NF1: variants seen among roughly 807,000 people sequenced by gnomAD.
The protein encoded by NF1 is neurofibromin.
NF1 carries 122 observed loss-of-function variants against 325.7 expected under a neutral mutation model. That is an observed-to-expected ratio of 0.37 (90% CI 0.32 to 0.44). NF1 has a LOEUF of 0.44. Among genes scored for constraint, NF1 ranks in the 20% least tolerant of loss-of-function variants. The probability of loss-of-function intolerance (pLI) is 1.00; values close to 1 mark genes in which losing one functional copy is unlikely to be tolerated. For synonymous variants in NF1, 1,091 were observed against 1,186.0 expected (o/e 0.92, Z 1.65); for missense variants, 2,140 against 3,415.4 (o/e 0.63, Z 9.31).
intron 11 of NF1, among the ~76,000 whole-genome samples, chr17:31,203,457 T>C (rs1459799359): frequency 6.6e-6 from 1 of 152,230 alleles, no homozygotes; most frequent in Admixed American, 6.5e-5. Context: ...TTATAGATAG[T>C]GTGGGAAATT....
intron 50 of NF1, 104 bp downstream of exon 50, chr17:31,350,422 A>C (rs1026946633): frequency 4.0e-5 from 38 of 961,484 alleles, no homozygotes; most frequent in Non-Finnish European, 5.7e-5. Flanking sequence ...ACATGGGAGA[A>C]ATCTAGAGAT....
At chr17:31,305,681 C>G (rs541453289) in intron 36 of NF1, 2 of 1,495,154 alleles carry the variant, frequency 1.3e-6, no homozygotes, top group Admixed American at 2.3e-5. Flanking sequence ...TCATTGGTGT[C>G]TAGTTAAAAA....
chr17:31,312,182 C>T (rs752449193), intron 36 of NF1, among the ~76,000 whole-genome samples: 4 of 151,954 alleles, frequency 2.6e-5, no homozygotes, highest in Non-Finnish European at 5.9e-5. Context: ...ACAGGCACTA[C>T]TAGTAAACTT....
chr17:31,130,984 C>G (rs1915337756), intron 1 of NF1, among the ~76,000 whole-genome samples: 1 of 152,138 alleles, frequency 6.6e-6, no homozygotes, highest in Non-Finnish European at 1.5e-5. Flanking sequence ...GTGGCCCCCC[C>G]CGGCAGTACT....
At chr17:31,294,302 A>G (rs932787672) in intron 36 of NF1, among the ~76,000 whole-genome samples, 4 of 152,150 alleles carry the variant, frequency 2.6e-5, no homozygotes, top group Admixed American at 6.5e-5. Context: ...CTTTTCTTAC[A>G]TGCAAAAAAC....
intron 36 of NF1, chr17:31,319,022 A>G (rs142555266): frequency 1.9e-6 from 3 of 1,584,314 alleles, no homozygotes; most frequent in African/African-American, 1.4e-5. Flanking sequence ...ATGCTTGGCA[A>G]TCTGTTGGGA....
chr17:31,197,145 C>T lies in NF1; in HGVS notation c.889-3277C>T, dbSNP rs148819867. Among the ~76,000 whole-genome samples, 530 of 151,676 alleles carry T rather than the reference C, an allele frequency of 3.5e-3. 4 individuals carry two copies. Among genetic ancestry groups the T allele is most frequent in the African/African-American group, 0.012 (493 of 41,336 alleles). On this transcript the variant is annotated intron_variant, in intron 8 of 57. Coordinates refer to ENST00000358273, the MANE Select transcript of NF1 (RefSeq NM_001042492.3). ...CTACAAGCTCCGCCTCCCAGGGTCA[C>T]GCCATTCTACTGCCTCAGCCTCCCA...
intron 37 of NF1, 102 bp from the exon 38 acceptor site, chr17:31,327,397 G>T: frequency 1.3e-6 from 1 of 788,048 alleles, no homozygotes; most frequent in Non-Finnish European, 2.2e-6. Flanking sequence ...TCCTTAAATG[G>T]CATAGTGTTT....
chr17:31,251,252 C>T, intron 30 of NF1: 1 of 207,178 alleles, frequency 4.8e-6, no homozygotes, highest in South Asian at 1.9e-4. Context: ...CTGTGTTCTG[C>T]CTGGAGGGAT....
chr17:31,195,706 C>CT (rs71142033), intron 8 of NF1, among the ~76,000 whole-genome samples: 1,721 of 150,642 alleles, frequency 0.011, 22 homozygotes, highest in Non-Finnish European at 0.016. Context: ...GGATTTCATT[C>CT]TTTTTTTTTT....
chr17:31,130,000 T>C (rs1171184622), intron 1 of NF1, among the ~76,000 whole-genome samples: 2 of 152,104 alleles, frequency 1.3e-5, no homozygotes, highest in Non-Finnish European at 2.9e-5. Context: ...TCTGGCTTTT[T>C]GAGTCATCAG....
chr17:31,115,695 C>T (rs1471932906), intron 1 of NF1, among the ~76,000 whole-genome samples: 2 of 152,128 alleles, frequency 1.3e-5, no homozygotes, highest in Admixed American at 6.6e-5. Flanking sequence ...CTGCATAACC[C>T]TTTTTCTGTG....
chr17:31,100,608 C>T (rs1032116344), intron 1 of NF1, among the ~76,000 whole-genome samples: 11 of 152,138 alleles, frequency 7.2e-5, no homozygotes, highest in East Asian at 3.9e-4. Flanking sequence ...CTCACTCTGT[C>T]GCCCAGGCTG....
At chr17:31,372,582 C>G (rs917111319) in intron 57 of NF1, among the ~76,000 whole-genome samples, 1 of 152,152 alleles carries the variant, frequency 6.6e-6, no homozygotes, top group African/African-American at 2.4e-5. Flanking sequence ...CATCCTCATG[C>G]CCCCTTAAGT....
intron 29 of NF1, among the ~76,000 whole-genome samples, chr17:31,239,561 A>G (rs1210231205): frequency 6.6e-6 from 1 of 151,824 alleles, no homozygotes; most frequent in African/African-American, 2.4e-5. Flanking sequence ...GGGGGGAGGA[A>G]TCAGAAATCA....
intron 36 of NF1, among the ~76,000 whole-genome samples, chr17:31,280,471 C>T (rs1473261233): frequency 1.4e-5 from 2 of 139,400 alleles, no homozygotes; most frequent in East Asian, 4.2e-4. Flanking sequence ...GAACCGGGAT[C>T]GCGCCACTGC....
intron 11 of NF1, among the ~76,000 whole-genome samples, chr17:31,202,434 G>C (rs998516026): frequency 6.6e-6 from 1 of 152,118 alleles, no homozygotes; most frequent in African/African-American, 2.4e-5. Context: ...AATAAATACT[G>C]CCCATATTCT....
rs56180844 is a variant in NF1, at chr17:31,108,262, GTTTTTTTTTTTTT to G, written c.60+12909_60+12921del. ...AAAGTTTCCAACATAAAAGTAGAGA[GTTTTTTTTTTTTT>G]TTTTTTTTTTTTTTTCTGAGACAGA... is the stretch of plus-strand genomic sequence containing the variant. On this transcript the variant is annotated intron_variant, in intron 1 of 57. Transcript: ENST00000358273. Among the ~76,000 whole-genome samples the G allele has an allele frequency of 7.9e-4, 65 of 82,536 alleles. 1 individual carries two copies. In the East Asian group the frequency reaches 0.02, roughly 26 times the overall value. 54.1% of individuals were successfully genotyped at this position (82,536 alleles called of 152,430 possible). A position where few individuals can be genotyped will look rare whatever the true frequency, so the allele number is the denominator to read the frequency against.
intron 57 of NF1, chr17:31,361,685 T>A (rs2070404390): frequency 6.6e-6 from 1 of 152,166 alleles, no homozygotes; most frequent in Non-Finnish European, 1.5e-5. Context: ...TTAAAAAAAA[T>A]CCAATGACAT....
Sources: allele counts gnomAD v4.1 joint callset (sites outside exome capture counted in the v4.1 genomes callset), GRCh38; gene constraint gnomAD v4.1.1; transcripts MANE v1.5; gene names NCBI Gene and HGNC (gene_info 2026-07-23, HGNC 2026-07-21).